The following UBE2Q2 variants were observed in gnomAD, a reference collection of about 807,000 sequenced individuals.
UBE2Q2 encodes ubiquitin-conjugating enzyme E2 Q2.
In UBE2Q2, 54 loss-of-function variants were observed where a neutral mutation model predicts 59.9. That is an observed-to-expected ratio of 0.90 (90% CI 0.72 to 1.13). The LOEUF is 1.13. Ranked by LOEUF, UBE2Q2 falls within the 50% of genes most tolerant of loss-of-function variation. The probability of loss-of-function intolerance (pLI) is 0.00; values close to 1 mark genes in which losing one functional copy is unlikely to be tolerated. For missense variants in UBE2Q2, 433 were observed against 441.9 expected (o/e 0.98, Z 0.18); for synonymous variants, 165 against 155.2 (o/e 1.06, Z -0.47).
chr15:75,854,622 G>GT lies in UBE2Q2; in HGVS notation c.282+143dup, dbSNP rs200769209. Reference sequence around the variant, plus strand: ...GTAGGAATTAAAGACTAGTTTGTTTGTTTTTTTTCCTTCAAATTCTATTTA... The same window carrying GT: ...GTAGGAATTAAAGACTAGTTTGTTTGTTTTTTTTTCCTTCAAATTCTATTTA... On this transcript the variant is annotated intron_variant, in intron 2 of 12. Transcript: ENST00000267938. 4,061 of 537,712 alleles carry GT rather than the reference G, an allele frequency of 7.6e-3. 130 individuals are homozygous for GT. Among genetic ancestry groups the GT allele is most frequent in the African/African-American group, 0.069 (3,461 of 49,820 alleles). 33.3% of individuals were successfully genotyped at this position (537,712 alleles called of 1,614,324 possible). A position where few individuals can be genotyped will look rare whatever the true frequency, so the allele number is the denominator to read the frequency against.
chr15:75,883,493 G>A, intron 9 of UBE2Q2, 69 bp downstream of exon 9: 2 of 1,131,842 alleles, frequency 1.8e-6, no homozygotes, highest in Non-Finnish European at 2.6e-6. Flanking sequence ...ATAGGGACGA[G>A]ATCTCACTAT....
intron 1 of UBE2Q2, among the ~76,000 whole-genome samples, chr15:75,844,849 T>C (rs780619180): frequency 2.6e-5 from 4 of 152,136 alleles, no homozygotes; most frequent in Non-Finnish European, 5.9e-5. Flanking sequence ...TAACTCCCTT[T>C]GGTTGAGTCA....
At chr15:75,878,993 C>G (rs1898239957) in intron 7 of UBE2Q2, 105 bp from the exon 8 acceptor site, 2 of 706,608 alleles carry the variant, frequency 2.8e-6, no homozygotes, top group African/African-American at 1.8e-5. Context: ...GGAACTTGCC[C>G]TAGGTGCTCT....
chr15:75,853,102 A>G (rs536927394), intron 1 of UBE2Q2, among the ~76,000 whole-genome samples: 1 of 152,324 alleles, frequency 6.6e-6, no homozygotes, highest in Admixed American at 6.5e-5. Flanking sequence ...TAACAGAGTA[A>G]ATGTCTGTTA....
At chr15:75,857,894 C>T (rs1267517628) in intron 2 of UBE2Q2, among the ~76,000 whole-genome samples, 4 of 151,968 alleles carry the variant, frequency 2.6e-5, no homozygotes, top group Non-Finnish European at 5.9e-5. Flanking sequence ...AATCTATATG[C>T]TTGTTTATAC....
At chr15:75,868,110 A>C (rs1897597868) in intron 3 of UBE2Q2, among the ~76,000 whole-genome samples, 1 of 152,184 alleles carries the variant, frequency 6.6e-6, no homozygotes, top group South Asian at 2.1e-4. Context: ...ATTCCATCAG[A>C]GTGTCTAATA....
At chr15:75,872,443 G>A (rs1897847124) in intron 4 of UBE2Q2, among the ~76,000 whole-genome samples, 1 of 151,482 alleles carries the variant, frequency 6.6e-6, no homozygotes, top group African/African-American at 2.4e-5. Context: ...TTATATATGT[G>A]TAAGAACAGA....
chr15:75,843,932 C>T (rs938545831), intron 1 of UBE2Q2, 86 bp downstream of exon 1: 4 of 1,428,324 alleles, frequency 2.8e-6, no homozygotes, highest in Non-Finnish European at 3.6e-6. Context: ...GAGCCTGCCC[C>T]GGAGAGGCTC....
chr15:75,877,814 G>A (rs1324889552), intron 6 of UBE2Q2, 147 bp from the exon 7 acceptor site: 1 of 557,978 alleles, frequency 1.8e-6, no homozygotes, highest in African/African-American at 1.9e-5. Context: ...AGCTGCAGTA[G>A]TGTAATATTT....
intron 3 of UBE2Q2, among the ~76,000 whole-genome samples, chr15:75,862,431 T>C (rs1329477676): frequency 6.6e-6 from 1 of 151,860 alleles, no homozygotes; most frequent in African/African-American, 2.4e-5. Flanking sequence ...TTTTTTTTTT[T>C]TAAACCTTTC....
At chr15:75,887,486 G>T (rs991741657) in intron 9 of UBE2Q2, among the ~76,000 whole-genome samples, 3 of 152,050 alleles carry the variant, frequency 2.0e-5, no homozygotes, top group Non-Finnish European at 4.4e-5. Flanking sequence ...AAGGAGGGTA[G>T]GACTCATGTA....
At chr15:75,884,590 T>C (rs996900230) in intron 9 of UBE2Q2, among the ~76,000 whole-genome samples, 1 of 152,194 alleles carries the variant, frequency 6.6e-6, no homozygotes, top group Admixed American at 6.5e-5. Flanking sequence ...TTTTTTAACC[T>C]TTCGTATTAC....
intron 1 of UBE2Q2, chr15:75,844,679 AGTAT>A: frequency 1.8e-6 from 1 of 558,902 alleles, no homozygotes; most frequent in Non-Finnish European, 3.1e-6. Flanking sequence ...AAGGAATTGA[AGTAT>A]TAAGTTTCTC....
At chr15:75,844,244 G>A in intron 1 of UBE2Q2, 1 of 1,494,850 alleles carries the variant, frequency 6.7e-7, no homozygotes, top group South Asian at 1.3e-5. Context: ...GCCCAGGCCG[G>A]CAAGGGGAAC....
At chr15:75,884,457 T>C (rs1898641572) in intron 9 of UBE2Q2, among the ~76,000 whole-genome samples, 1 of 152,206 alleles carries the variant, frequency 6.6e-6, no homozygotes, top group South Asian at 2.1e-4. Flanking sequence ...TAAAATCCTG[T>C]TAAGAATCAT....
intron 2 of UBE2Q2, among the ~76,000 whole-genome samples, chr15:75,857,115 CAT>C (rs1896959808): frequency 6.6e-6 from 1 of 152,076 alleles, no homozygotes; most frequent in African/African-American, 2.4e-5. Flanking sequence ...TGTACACACA[CAT>C]GCACACGTAC....
chr15:75,860,018 T>G, intron 3 of UBE2Q2, 36 bp downstream of exon 3: 2 of 1,445,898 alleles, frequency 1.4e-6, no homozygotes, highest in South Asian at 2.6e-5. Flanking sequence ...AAGAGCTAAA[T>G]AAATTGTCTC....
Position 75,844,085 on chromosome 15 carries a change from C to T in UBE2Q2, c.180+239C>T, listed in dbSNP as rs1896178668. 5 of 1,415,328 alleles carry T rather than the reference C, an allele frequency of 3.5e-6. No individual in the cohort carries two copies. The African/African-American group carries it at 5.9e-5, about 17-fold the overall frequency. 87.7% of individuals were successfully genotyped at this position (1,415,328 alleles called of 1,614,324 possible). A position where few individuals can be genotyped will look rare whatever the true frequency, so the allele number is the denominator to read the frequency against. ...TCGCCAGGGGCTGGCTTGGGGGCTT[C>T]TGGCCCATCTCGGTCCCCGTCTCCT... On this transcript the variant is annotated intron_variant, in intron 1 of 12. Transcript: ENST00000267938.
chr15:75,895,570 TA>T (rs916287151), intron 11 of UBE2Q2, among the ~76,000 whole-genome samples: 8 of 150,712 alleles, frequency 5.3e-5, no homozygotes, highest in Admixed American at 6.6e-5. Flanking sequence ...TTTAACATGT[TA>T]AAAAAAAATA....
Sources: allele counts gnomAD v4.1 joint callset (sites outside exome capture counted in the v4.1 genomes callset), GRCh38; gene constraint gnomAD v4.1.1; transcripts MANE v1.5; gene names NCBI Gene and HGNC (gene_info 2026-07-23, HGNC 2026-07-21).